The following CACNA1I variants were observed in gnomAD, a reference collection of about 807,000 sequenced individuals.
CACNA1I encodes the protein voltage-dependent T-type calcium channel subunit alpha-1I.
A neutral mutation model predicts 201.6 loss-of-function variants in CACNA1I; 74 were observed. The ratio of observed to expected loss-of-function variants is 0.37; its 90% CI spans 0.30 to 0.45. The LOEUF (loss-of-function observed/expected upper bound fraction) is 0.45. Among genes scored for constraint, CACNA1I ranks in the 20% least tolerant of loss-of-function variants. The probability of loss-of-function intolerance (pLI) is 1.00; values close to 1 mark genes in which losing one functional copy is unlikely to be tolerated. For missense variants in CACNA1I, 2,346 were observed against 3,138.1 expected (o/e 0.75, Z 6.03); for synonymous variants, 1,431 against 1,345.2 (o/e 1.06, Z -1.40).
At chr22:39,636,314 A>G (rs1934218015) in intron 5 of CACNA1I, among the ~76,000 whole-genome samples, 1 of 152,162 alleles carries the variant, frequency 6.6e-6, no homozygotes, top group Non-Finnish European at 1.5e-5. Flanking sequence ...GGGCTGTGTT[A>G]AAGAGGAACC....
Position 39,662,295 on chromosome 22 carries a change from C to G in CACNA1I, c.3232C>G (p.Pro1078Ala). The change falls in exon 17 of 37, where the codon CCC (proline) becomes GCC (alanine). Residue 1078 changes from proline to alanine, a missense_variant. This residue lies in a region of CACNA1I where 288 missense variants were observed against 255.2 expected (regional missense o/e 1.13). Coordinates refer to ENST00000402142, the MANE Select transcript of CACNA1I (RefSeq NM_021096.4). ...GCTGGTGCCCGCGGTGGGCGCCCAC[C>G]CCCGGGCCGCCTGGAGGGCGGCAGG... is the stretch of plus-strand genomic sequence containing the variant. ...AELVPAVGAH[P>A]RAAWRAAGPA... The G allele has an allele frequency of 6.7e-7, 1 of 1,501,056 alleles. No homozygotes were observed. The highest frequency in any genetic ancestry group is 8.8e-7 in the Non-Finnish European group (1 of 1,131,892). 93.0% of individuals were successfully genotyped at this position (1,501,056 alleles called of 1,614,324 possible). A position where few individuals can be genotyped will look rare whatever the true frequency, so the allele number is the denominator to read the frequency against.
At chr22:39,644,592 G>T (rs952780955) in intron 7 of CACNA1I, among the ~76,000 whole-genome samples, 132 of 152,284 alleles carry the variant, frequency 8.7e-4, no homozygotes, top group African/African-American at 3.1e-3. Context: ...CACCTGCAGG[G>T]TCACCTCCTG....
chr22:39,577,843 T>G (rs1932409601), intron 1 of CACNA1I, among the ~76,000 whole-genome samples: 1 of 152,234 alleles, frequency 6.6e-6, no homozygotes. Context: ...TGAAGGAAGA[T>G]CTGCTCCTGG....
chr22:39,667,242 C>A lies in CACNA1I; in HGVS notation c.4105-1050C>A, dbSNP rs572010342. 5.3e-5 allele frequency among the ~76,000 whole-genome samples: 8 copies of A among 152,336 alleles called. No homozygotes were observed. The South Asian group carries it at 1.2e-3, about 24-fold the overall frequency. ...GGCAGGGGGTCTTCCTCTGCTTTCC[C>A]TGCTCCTGGGTCTGAACACTTTCTG... On this transcript the variant is annotated intron_variant, in intron 23 of 36. Transcript: ENST00000402142.
At chr22:39,672,786 G>A (rs968870419) in intron 27 of CACNA1I, among the ~76,000 whole-genome samples, 163 bp from the exon 28 acceptor site, 1 of 152,100 alleles carries the variant, frequency 6.6e-6, no homozygotes, top group African/African-American at 2.4e-5. Flanking sequence ...GAGGGGCCTG[G>A]ACCCAGTGGC....
intron 35 of CACNA1I, among the ~76,000 whole-genome samples, chr22:39,683,884 A>G (rs1191257218): frequency 1.3e-5 from 2 of 152,044 alleles, no homozygotes; most frequent in Non-Finnish European, 2.9e-5. Flanking sequence ...GCCAGGCCCC[A>G]TGGTGGGGTC....
rs1396428310 is a variant in CACNA1I, at chr22:39,665,960, A to G, written c.4058A>G (p.Asn1353Ser). ...AACCGCTCGGACTGCATGGCCGCCA[A>G]CTACCGCTGGGTCCATCACAAATAC... is the stretch of plus-strand genomic sequence containing the variant. ...ITNRSDCMAA[N>S]YRWVHHKYNF... The change falls in exon 23 of 37, where the codon AAC becomes AGC. Residue 1353 changes from asparagine to serine, a missense_variant. Physicochemically the swap from Asn to Ser is conservative, Grantham distance 46. Around this residue, in one of 13 missense-constraint regions of CACNA1I, gnomAD observed 228 missense variants for 395.7 expected, o/e 0.58. Transcript: ENST00000402142. This position sits in a 1 kb window ranked among gnomAD's most constrained non-coding sequence, Gnocchi z 5.5. 12 of 1,613,848 alleles carry G rather than the reference A, an allele frequency of 7.4e-6. No homozygotes were observed. The highest frequency in any genetic ancestry group is 1.7e-4 in the Middle Eastern group (1 of 6,060).
chr22:39,656,617 A>G, intron 10 of CACNA1I: 1 of 518,896 alleles, frequency 1.9e-6, no homozygotes, highest in Non-Finnish European at 3.8e-6. Context: ...ACATCATGTC[A>G]TTCAAATTTG....
Position 39,677,279 on chromosome 22 carries a change from C to T in CACNA1I, c.4855-62C>T. ...CCCACTGCCCCAGCCTCCACCCTTC[C>T]CAGGCCTGGTGCGCCCCCACCCGCT... is the stretch of plus-strand genomic sequence containing the variant. On this transcript the variant is annotated intron_variant, in intron 29 of 36. Coordinates refer to ENST00000402142, the MANE Select transcript of CACNA1I (RefSeq NM_021096.4). The surrounding 1 kb of genome is among the most constrained non-coding windows in gnomAD (Gnocchi z 4.8). 3 of 1,186,128 alleles carry T rather than the reference C, an allele frequency of 2.5e-6. No homozygotes were observed. Among genetic ancestry groups the T allele is most frequent in the East Asian group, 2.5e-5 (1 of 39,546 alleles). The allele number at this position is 1,186,128 out of a possible 1,614,324, so 73.5% of individuals were successfully genotyped here. A position where few individuals can be genotyped will look rare whatever the true frequency, so the allele number is the denominator to read the frequency against.
rs758059629 is a variant in CACNA1I, at chr22:39,659,754, C to T, written c.2506C>T (p.Pro836Ser). ...VLYNGMASTSPWASLYFVALM... is the reference protein window; with the variant it reads ...VLYNGMASTSSWASLYFVALM... ...CTACAATGGCATGGCCTCCACTTCTCCCTGGGCCTCCCTCTACTTTGTCGC... is the reference window on the plus strand; with the variant it reads ...CTACAATGGCATGGCCTCCACTTCTTCCTGGGCCTCCCTCTACTTTGTCGC... Residue 836 changes from proline (P) to serine (S), a missense_variant, in exon 14 of 37, where the codon CCC becomes TCC. By Grantham distance (74) the Pro-to-Ser change is moderately conservative. Transcript: ENST00000402142. The surrounding 1 kb of genome is among the most constrained non-coding windows in gnomAD (Gnocchi z 4.3). The T allele has an allele frequency of 9.3e-6, 15 of 1,613,966 alleles. No individual in the cohort carries two copies. The highest frequency in any genetic ancestry group is 1.2e-5 in the Non-Finnish European group (14 of 1,179,890).
chr22:39,659,265 T>C lies in CACNA1I; in HGVS notation c.2330+149T>C, dbSNP rs1210203696. 2 of 1,091,176 alleles carry C rather than the reference T, an allele frequency of 1.8e-6. No individual in the cohort carries two copies. Among genetic ancestry groups the C allele is most frequent in the Non-Finnish European group, 1.3e-6 (1 of 755,222 alleles). 67.6% of individuals were successfully genotyped at this position (1,091,176 alleles called of 1,614,324 possible). A position where few individuals can be genotyped will look rare whatever the true frequency, so the allele number is the denominator to read the frequency against. On this transcript the variant is annotated intron_variant, in intron 12 of 36. Transcript: ENST00000402142. The surrounding 1 kb of genome is among the most constrained non-coding windows in gnomAD (Gnocchi z 4.3). ...ACTGTTCCTCAGTCCCCTGTGGCTT[T>C]CAGCAAGCATGAACCCCTAAGCCTC...
At position 39,679,095 on chromosome 22, in the gene CACNA1I, C is replaced by T; in HGVS notation, c.5056-12C>T. On this transcript the variant is annotated splice_polypyrimidine_tract_variant and intron_variant, in intron 31 of 36. Coordinates refer to ENST00000402142, the MANE Select transcript of CACNA1I (RefSeq NM_021096.4). ...CTCCGTCCTCATCCTCACCGCCCTCCCTGCCACGCAGGACACGCTGCGGGA... is the reference window on the plus strand; with the variant it reads ...CTCCGTCCTCATCCTCACCGCCCTCTCTGCCACGCAGGACACGCTGCGGGA... 6.4e-7 allele frequency: 1 copy of T among 1,570,306 alleles called. No homozygotes were observed. The highest frequency in any genetic ancestry group is 8.6e-7 in the Non-Finnish European group (1 of 1,157,190).
Position 39,677,373 on chromosome 22 carries a change from C to T in CACNA1I, c.4887C>T (p.Leu1629=). The T allele has an allele frequency of 6.2e-7, 1 of 1,600,426 alleles. No homozygotes were observed. The highest frequency in any genetic ancestry group is 8.5e-7 in the Non-Finnish European group (1 of 1,175,688). Residue 1629 remains leucine (L), a synonymous_variant, in exon 30 of 37, where the codon CTC becomes CTT. Coordinates refer to ENST00000402142, the MANE Select transcript of CACNA1I (RefSeq NM_021096.4). The surrounding 1 kb of genome is among the most constrained non-coding windows in gnomAD (Gnocchi z 4.8). ...ACCTGGGCCTCCTCTTCATGCTGCTCTTCTTCATCTATGCTGCTCTCGGGG... is the reference window on the plus strand; with the variant it reads ...ACCTGGGCCTCCTCTTCATGCTGCTTTTCTTCATCTATGCTGCTCTCGGGG... The part of the protein sequence containing the change: ...VGNLGLLFML[L]FFIYAALGVE...
chr22:39,639,053 C>T (rs1934291520), intron 5 of CACNA1I, among the ~76,000 whole-genome samples: 1 of 152,220 alleles, frequency 6.6e-6, no homozygotes, highest in Non-Finnish European at 1.5e-5. Context: ...TACCTCTTAT[C>T]TCCTTTGTAT....
intron 24 of CACNA1I, among the ~76,000 whole-genome samples, chr22:39,668,931 G>T (rs1304691744): frequency 6.6e-6 from 1 of 152,162 alleles, no homozygotes; most frequent in Non-Finnish European, 1.5e-5. Flanking sequence ...TGTCAGGTCT[G>T]CTTGTCAGTG....
chr22:39,654,346 T>C (rs1368338712), intron 10 of CACNA1I, among the ~76,000 whole-genome samples: 1 of 152,146 alleles, frequency 6.6e-6, no homozygotes, highest in African/African-American at 2.4e-5. Context: ...CCCTGCAGCT[T>C]TATCATGTCC....
At chr22:39,679,937 C>A in intron 33 of CACNA1I, 69 bp downstream of exon 33, 1 of 1,490,750 alleles carries the variant, frequency 6.7e-7, no homozygotes, top group Non-Finnish European at 9.1e-7. Flanking sequence ...GGGGCCTGTC[C>A]GAGGGCAGAG....
chr22:39,646,823 C>G lies in CACNA1I; in HGVS notation c.1404C>G (p.Gly468=). The change falls in exon 8 of 37, where the codon GGC becomes GGG. Residue 468 remains glycine (G), a synonymous_variant. Coordinates refer to ENST00000402142, the MANE Select transcript of CACNA1I (RefSeq NM_021096.4). ...TGCAGAGCCGGCGCCAGGCCCTGGGCCCGGAGGCCCCGGCCCCCGCCAAAC... is the reference window on the plus strand; with the variant it reads ...TGCAGAGCCGGCGCCAGGCCCTGGGGCCGGAGGCCCCGGCCCCCGCCAAAC... ...QALQSRRQAL[G]PEAPAPAKPG... 1 of 1,543,336 alleles carries G rather than the reference C, an allele frequency of 6.5e-7. No individual in the cohort carries two copies.
chr22:39,660,137 C>T (rs903132322), intron 14 of CACNA1I, among the ~76,000 whole-genome samples: 5 of 152,172 alleles, frequency 3.3e-5, no homozygotes, highest in African/African-American at 1.2e-4. Context: ...CTGCTCCCTC[C>T]GTTCTCTGAG....
Sources: allele counts gnomAD v4.1 joint callset (sites outside exome capture counted in the v4.1 genomes callset), GRCh38; gene constraint gnomAD v4.1.1; regional missense constraint gnomAD v4.1.1; non-coding constraint Gnocchi (gnomAD v3.1); transcripts MANE v1.5; gene names NCBI Gene and HGNC (gene_info 2026-07-23, HGNC 2026-07-21).